The following CSMD1 variants were observed in gnomAD, a reference collection of about 807,000 sequenced individuals.
The protein encoded by CSMD1 is CUB and Sushi multiple domains 1, also known as CUB and sushi domain-containing protein 1.
In CSMD1, 213 loss-of-function variants were observed where a neutral mutation model predicts 417.5. The observed-to-expected ratio is 0.51, with a 90% CI of 0.46 to 0.57. The LOEUF (loss-of-function observed/expected upper bound fraction) is 0.57. CSMD1 is among the 20% of genes least tolerant of loss of function. CSMD1 has a pLI of 0.00. For missense variants in CSMD1, 6,923 were observed against 4,529.7 expected (o/e 1.53, Z -15.17); for synonymous variants, 2,862 against 1,736.8 (o/e 1.65, Z -16.11).
intron 3 of CSMD1, among the ~76,000 whole-genome samples, chr8:4,338,554 C>G (rs1180055536): frequency 6.6e-6 from 1 of 152,028 alleles, no homozygotes; most frequent in Non-Finnish European, 1.5e-5. Context: ...ATTTTCAAAA[C>G]TAATTTCTGG....
intron 8 of CSMD1, among the ~76,000 whole-genome samples, chr8:3,597,326 A>G (rs1801141906): frequency 6.6e-6 from 1 of 152,002 alleles, no homozygotes; most frequent in African/African-American, 2.4e-5. Context: ...CACGTTTGGC[A>G]TCTCTGTCTG....
chr8:3,640,505 G>C (rs1341546559), intron 7 of CSMD1, among the ~76,000 whole-genome samples: 1 of 152,160 alleles, frequency 6.6e-6, no homozygotes, highest in Non-Finnish European at 1.5e-5. Context: ...ATGGAAAATT[G>C]TGTAGGTTAT....
intron 1 of CSMD1, among the ~76,000 whole-genome samples, chr8:4,815,914 G>A (rs12549714): frequency 0.19 from 29,585 of 151,994 alleles, 3,723 homozygotes; most frequent in Non-Finnish European, 0.28. Flanking sequence ...GGCTTTCTAG[G>A]AAGTAGATTT....
At chr8:3,750,977 T>C (rs1797308633) in intron 6 of CSMD1, among the ~76,000 whole-genome samples, 1 of 152,134 alleles carries the variant, frequency 6.6e-6, no homozygotes, top group Non-Finnish European at 1.5e-5. Context: ...TTCTGATGGG[T>C]CTTGTCATCT....
At chr8:4,956,932 G>A (rs1326574863) in intron 1 of CSMD1, among the ~76,000 whole-genome samples, 2 of 152,114 alleles carry the variant, frequency 1.3e-5, no homozygotes, top group Non-Finnish European at 2.9e-5. Context: ...CAATTGCACT[G>A]GACACAAGGG....
At chr8:3,874,258 T>A (rs932932575) in intron 5 of CSMD1, among the ~76,000 whole-genome samples, 1 of 152,226 alleles carries the variant, frequency 6.6e-6, no homozygotes, top group African/African-American at 2.4e-5. Context: ...TTTATTTTAC[T>A]GTTAGAATGC....
At chr8:4,230,143 A>G (rs978116802) in intron 3 of CSMD1, among the ~76,000 whole-genome samples, 9 of 152,206 alleles carry the variant, frequency 5.9e-5, no homozygotes, top group African/African-American at 2.2e-4. Flanking sequence ...ATGTGATGAC[A>G]TATTGCAGTG....
At chr8:3,873,471 C>T (rs1396380243) in intron 5 of CSMD1, among the ~76,000 whole-genome samples, 3 of 152,052 alleles carry the variant, frequency 2.0e-5, no homozygotes, top group African/African-American at 4.8e-5. Flanking sequence ...CCAAATACCA[C>T]ACGTTCTACC....
intron 48 of CSMD1, among the ~76,000 whole-genome samples, chr8:3,089,868 C>A (rs1362559675): frequency 6.6e-6 from 1 of 152,080 alleles, no homozygotes; most frequent in African/African-American, 2.4e-5. Flanking sequence ...TTTTGAAAGA[C>A]GTAGAAATCA....
intron 2 of CSMD1, among the ~76,000 whole-genome samples, chr8:4,438,982 C>T (rs549760629): frequency 3.9e-4 from 60 of 152,270 alleles, no homozygotes; most frequent in African/African-American, 1.4e-3. Flanking sequence ...TTCATCAGTC[C>T]TAGACGTTTG....
chr8:4,655,193 C>G (rs1804150695), intron 1 of CSMD1, among the ~76,000 whole-genome samples: 1 of 151,838 alleles, frequency 6.6e-6, no homozygotes, highest in Admixed American at 6.6e-5. Flanking sequence ...AGATAATTAC[C>G]TTTTTCATGA....
At chr8:4,857,576 G>A (rs1279900214) in intron 1 of CSMD1, among the ~76,000 whole-genome samples, 1 of 152,082 alleles carries the variant, frequency 6.6e-6, no homozygotes, top group East Asian at 1.9e-4. Context: ...AAATGATAAA[G>A]GGGATATCAC....
intron 18 of CSMD1, 130 bp downstream of exon 18, chr8:3,387,364 A>G (rs1811068757): frequency 3.4e-5 from 23 of 672,530 alleles, no homozygotes; most frequent in Non-Finnish European, 5.0e-5. Context: ...ATGGTATACA[A>G]CTTCTCAGAG....
chr8:4,354,040 A>G (rs1444217528), intron 3 of CSMD1, among the ~76,000 whole-genome samples: 1 of 152,178 alleles, frequency 6.6e-6, no homozygotes, highest in Non-Finnish European at 1.5e-5. Flanking sequence ...TCTCCATACC[A>G]GTGTCTATGC....
chr8:3,041,384 G>C (rs1811079333), intron 50 of CSMD1, among the ~76,000 whole-genome samples: 1 of 152,026 alleles, frequency 6.6e-6, no homozygotes, highest in Non-Finnish European at 1.5e-5. Context: ...CAAACATAAA[G>C]AATCCCAGGT....
At position 3,024,298 on chromosome 8, in the gene CSMD1, G is replaced by T. The variant is rs551910574; in HGVS notation, c.7855+5021C>A. On this transcript the variant is annotated intron_variant, in intron 51 of 69. Coordinates refer to ENST00000635120, the MANE Select transcript of CSMD1 (RefSeq NM_033225.6). ...TGTTTACATTTTGAGGTTTTTTTTG[G>T]GGGGGGAGGGCAGTGGGGGAGGTTG... 5.9e-4 allele frequency among the ~76,000 whole-genome samples: 84 copies of T among 142,780 alleles called. 1 individual carries two copies. The South Asian group carries it at 6.1e-3, about 10-fold the overall frequency. 93.7% of individuals were successfully genotyped at this position (142,780 alleles called of 152,430 possible). A position where few individuals can be genotyped will look rare whatever the true frequency, so the allele number is the denominator to read the frequency against.
At chr8:3,187,756 TAGA>T (rs1159849184) in intron 36 of CSMD1, 110 bp downstream of exon 36, 14 of 739,652 alleles carry the variant, frequency 1.9e-5, no homozygotes, top group Non-Finnish European at 3.3e-5. Flanking sequence ...ATTATGGAGA[TAGA>T]AGAATTGTGT....
intron 7 of CSMD1, among the ~76,000 whole-genome samples, chr8:3,690,769 G>C (rs1229180516): frequency 6.6e-6 from 1 of 152,066 alleles, no homozygotes; most frequent in African/African-American, 2.4e-5. Flanking sequence ...ACTTTTATAA[G>C]ATAAAGTTTA....
rs780793254 is a variant in CSMD1 at position 3,162,217 on chromosome 8, T to C, written c.5786A>G (p.Asp1929Gly). The C allele has an allele frequency of 5.6e-6, 9 of 1,611,636 alleles. No individual in the cohort carries two copies. In the East Asian group the frequency reaches 1.6e-4, roughly 28 times the overall value. ...GAGCACGTCGTTCACCATGTACCGA[T>C]CTCCGATTTTGATGCTGTTGCTGGG... Reference protein sequence around the residue: ...ALPSNSIKIGDRYMVNDVLSF... With the variant: ...ALPSNSIKIGGRYMVNDVLSF... Residue 1929 changes from aspartate to glycine, a missense_variant, in exon 38 of 70, where the codon GAT becomes GGT. Asp to Gly is a moderately conservative substitution (Grantham distance 94). Coordinates refer to ENST00000635120, the MANE Select transcript of CSMD1 (RefSeq NM_033225.6).
Sources: allele counts gnomAD v4.1 joint callset (sites outside exome capture counted in the v4.1 genomes callset), GRCh38; gene constraint gnomAD v4.1.1; transcripts MANE v1.5; gene names NCBI Gene and HGNC (gene_info 2026-07-23, HGNC 2026-07-21).